The following LPP variants were observed in gnomAD, a reference collection of about 807,000 sequenced individuals.
The protein encoded by LPP is LIM domain containing preferred translocation partner in lipoma.
A neutral mutation model predicts 60.4 loss-of-function variants in LPP; 38 were observed. The ratio of observed to expected loss-of-function variants is 0.63; its 90% CI spans 0.49 to 0.83. The LOEUF (loss-of-function observed/expected upper bound fraction) is 0.83, where lower values mean the gene tolerates loss of function less well. Ranked by LOEUF, LPP falls within the 40% of genes least tolerant of loss-of-function variation. LPP has a pLI of 0.00. For missense variants in LPP, 902 were observed against 783.6 expected (o/e 1.15, Z -1.80); for synonymous variants, 328 against 290.8 (o/e 1.13, Z -1.30).
intron 7 of LPP, among the ~76,000 whole-genome samples, chr3:188,658,132 TTTAGG>T (rs1251472983): frequency 2.0e-5 from 3 of 151,246 alleles, no homozygotes; most frequent in East Asian, 2.0e-4. Context: ...ATTAGTTTAG[TTTAGG>T]TTAGTTTAGT....
intron 2 of LPP, among the ~76,000 whole-genome samples, chr3:188,262,525 C>T (rs1333166860): frequency 2.6e-5 from 4 of 152,020 alleles, no homozygotes; most frequent in African/African-American, 9.7e-5. Flanking sequence ...ACCTAGTTCT[C>T]AGCTCTATTT....
chr3:188,208,536 T>G (rs962923987), intron 1 of LPP, among the ~76,000 whole-genome samples: 14 of 152,254 alleles, frequency 9.2e-5, no homozygotes, highest in Non-Finnish European at 1.6e-4. Context: ...TACTGTATGT[T>G]TATTTCCCCA....
intron 8 of LPP, among the ~76,000 whole-genome samples, chr3:188,752,385 C>T (rs977898672): frequency 4.6e-5 from 7 of 152,156 alleles, no homozygotes; most frequent in African/African-American, 9.7e-5. Flanking sequence ...GGAAACTTGT[C>T]TAGGCTGCCA....
intron 9 of LPP, among the ~76,000 whole-genome samples, chr3:188,830,307 A>G (rs896796875): frequency 3.0e-5 from 4 of 134,724 alleles, no homozygotes; most frequent in African/African-American, 5.7e-5. Flanking sequence ...AGCACTATTT[A>G]AAAAAAAAAA....
chr3:188,327,181 G>A (rs935574122), intron 2 of LPP, among the ~76,000 whole-genome samples: 1 of 152,124 alleles, frequency 6.6e-6, no homozygotes, highest in African/African-American at 2.4e-5. Flanking sequence ...CTCTTGAGGT[G>A]AGAAAAGCCA....
intron 1 of LPP, among the ~76,000 whole-genome samples, chr3:188,171,436 T>C (rs1222902214): frequency 6.6e-6 from 1 of 152,240 alleles, no homozygotes; most frequent in Non-Finnish European, 1.5e-5. Context: ...TTTCTCATTC[T>C]CCATCTGGAT....
At chr3:188,749,266 T>C (rs547579580) in intron 8 of LPP, among the ~76,000 whole-genome samples, 1 of 152,312 alleles carries the variant, frequency 6.6e-6, no homozygotes, top group Non-Finnish European at 1.5e-5. Flanking sequence ...TCTGTGCATC[T>C]TGAGAGAGTG....
chr3:188,694,766 G>A (rs1341014547), intron 7 of LPP, among the ~76,000 whole-genome samples: 1 of 151,994 alleles, frequency 6.6e-6, no homozygotes. Flanking sequence ...CAGACCACCT[G>A]CATCAGAATT....
intron 6 of LPP, among the ~76,000 whole-genome samples, chr3:188,586,468 G>A (rs907733399): frequency 1.3e-5 from 2 of 152,112 alleles, no homozygotes; most frequent in African/African-American, 4.8e-5. Flanking sequence ...TTAGAAAGGA[G>A]TCTGGAAAAC....
chr3:188,645,153 C>G (rs1487231620), intron 7 of LPP, among the ~76,000 whole-genome samples: 1 of 151,944 alleles, frequency 6.6e-6, no homozygotes, highest in Non-Finnish European at 1.5e-5. Flanking sequence ...TGATGTGATG[C>G]TTATTACCTT....
chr3:188,581,350 T>C (rs556534913), intron 6 of LPP, among the ~76,000 whole-genome samples: 1 of 152,254 alleles, frequency 6.6e-6, no homozygotes, highest in African/African-American at 2.4e-5. Context: ...CTGGATAGGC[T>C]CCACCAGTCT....
chr3:188,156,857 C>CGCG (rs1240284767), intron 1 of LPP, among the ~76,000 whole-genome samples: 3 of 151,404 alleles, frequency 2.0e-5, no homozygotes, highest in African/African-American at 7.3e-5. Flanking sequence ...CCCCACCCCC[C>CGCG]CAAGAAAAAT....
chr3:188,834,324 G>GTTTTTTTTTTT (rs71867135), intron 9 of LPP, among the ~76,000 whole-genome samples: 5 of 34,092 alleles, frequency 1.5e-4, no homozygotes, highest in Admixed American at 4.4e-4. Flanking sequence ...CTTTTTGGGT[G>GTTTTTTTTTTT]TTTTTTTTTT....
At position 188,877,111 on chromosome 3, in the gene LPP, A is replaced by T. The variant is rs1454990974; in HGVS notation, c.*2632A>T. The stretch of plus-strand genomic sequence containing the variant: ...TATAATAAGGAAAGGATCCTACAAT[A>T]TTTTATTCTAGGGTTTCTTAAATAT... On this transcript the variant is annotated 3_prime_UTR_variant, in exon 12 of 12. Coordinates refer to ENST00000617246, the MANE Select transcript of LPP (RefSeq NM_001375462.1). The T allele has an allele frequency of 5.8e-6, 1 of 173,368 alleles. No homozygotes were observed. Among genetic ancestry groups the T allele is most frequent in the African/African-American group, 2.4e-5 (1 of 41,968 alleles). 10.7% of individuals were successfully genotyped at this position (173,368 alleles called of 1,614,324 possible).
chr3:188,581,751 A>T, intron 6 of LPP, among the ~76,000 whole-genome samples: 1 of 152,052 alleles, frequency 6.6e-6, no homozygotes, highest in Non-Finnish European at 1.5e-5. Flanking sequence ...AAAAATTAAA[A>T]CCAGCCTCGG....
At chr3:188,454,260 G>A (rs1021263007) in intron 4 of LPP, among the ~76,000 whole-genome samples, 2 of 152,218 alleles carry the variant, frequency 1.3e-5, no homozygotes, top group Admixed American at 6.5e-5. Flanking sequence ...CTGTAGGTAA[G>A]CAAGAGCTAA....
intron 5 of LPP, among the ~76,000 whole-genome samples, chr3:188,516,301 C>G (rs1817343479): frequency 6.6e-6 from 1 of 152,204 alleles, no homozygotes; most frequent in African/African-American, 2.4e-5. Flanking sequence ...AATGATATTT[C>G]TATTAGATAA....
intron 6 of LPP, among the ~76,000 whole-genome samples, chr3:188,559,699 T>C (rs149216441): frequency 0.014 from 2,115 of 152,202 alleles, 26 homozygotes; most frequent in South Asian, 0.05. Context: ...TATTTATACA[T>C]ATTTTATTAT....
intron 9 of LPP, 86 bp from the exon 10 acceptor site, chr3:188,866,114 A>AG (rs1766524942): frequency 8.8e-7 from 1 of 1,139,264 alleles, no homozygotes; most frequent in Admixed American, 3.0e-5. Context: ...TAAGGACCTG[A>AG]GACAATCTGT....
Sources: gnomAD v4.1 joint callset for allele counts (sites outside exome capture counted in the v4.1 genomes callset) on GRCh38, gnomAD v4.1.1 for gene constraint, MANE v1.5 for transcripts, NCBI Gene and HGNC (gene_info 2026-07-23, HGNC 2026-07-21) for gene names.